The following PROX2 variants were observed in gnomAD, a reference collection of about 807,000 sequenced individuals.
PROX2 encodes the protein prospero homeobox protein 2.
A neutral mutation model predicts 48.9 loss-of-function variants in PROX2; 46 were observed. That is an observed-to-expected ratio of 0.94 (90% CI 0.74 to 1.20). PROX2 has a LOEUF of 1.20. PROX2 is among the 50% of genes most tolerant of loss of function. PROX2 has a pLI of 0.00. For missense variants in PROX2, 663 were observed against 719.4 expected (o/e 0.92, Z 0.90); for synonymous variants, 260 against 276.6 (o/e 0.94, Z 0.60).
chr14:74,872,393 C>G (rs543452265), intron 1 of PROX2, among the ~76,000 whole-genome samples: 1 of 152,296 alleles, frequency 6.6e-6, no homozygotes, highest in African/African-American at 2.4e-5. Flanking sequence ...GATGACCACC[C>G]AACGTGATTG....
chr14:74,854,878 T>A lies in PROX2; in HGVS notation c.*254A>T, dbSNP rs1191668097. 2 of 271,106 alleles carry A rather than the reference T, an allele frequency of 7.4e-6. No individual in the cohort carries two copies. The highest frequency in any genetic ancestry group is 1.4e-5 in the Non-Finnish European group (2 of 146,304). The allele number at this position is 271,106 out of a possible 1,614,324, so 16.8% of individuals were successfully genotyped here. On this transcript the variant is annotated 3_prime_UTR_variant, in exon 6 of 6. Transcript: ENST00000556489. The stretch of plus-strand genomic sequence containing the variant: ...GGAAACAATGGAGTTGAGCTTCAAG[T>A]CTTCTGATTGGAAACTTGTGTTCCT...
Position 74,854,481 on chromosome 14 carries a change from G to C in PROX2, c.*651C>G, listed in dbSNP as rs1217259254. 1 of 215,864 alleles carries C rather than the reference G, an allele frequency of 4.6e-6. No homozygotes were observed. The highest frequency in any genetic ancestry group is 9.7e-6 in the Non-Finnish European group (1 of 103,418). The allele number at this position is 215,864 out of a possible 1,614,324, so 13.4% of individuals were successfully genotyped here. On this transcript the variant is annotated 3_prime_UTR_variant, in exon 6 of 6. Coordinates refer to ENST00000556489, the MANE Select transcript of PROX2 (RefSeq NM_001243007.2). ...CCAGCATGCAGTTGGGCATCAGAAA[G>C]TCTTGGTTCCTCCAGGCTCCTGACT...
At chr14:74,857,127 AAAG>A (rs2091750354) in intron 4 of PROX2, 132 bp from the exon 5 acceptor site, 2 of 680,702 alleles carry the variant, frequency 2.9e-6, no homozygotes, top group South Asian at 2.7e-5. Context: ...TCCTTTAAAA[AAAG>A]AAGCGAAGCC....
chr14:74,861,357 G>A (rs1407478007), intron 3 of PROX2: 2 of 572,004 alleles, frequency 3.5e-6, no homozygotes, highest in Non-Finnish European at 6.0e-6. Flanking sequence ...ATGCTTGTTA[G>A]AAGTGGTCAT....
chr14:74,856,873 C>T lies in PROX2; in HGVS notation c.1536G>A (p.Met512Ile). ...GTTCTGAATTGCGGAGAACCACCAGCATTTTGGGATTTGTGACACCATCTG... is the reference window on the plus strand; with the variant it reads ...GTTCTGAATTGCGGAGAACCACCAGTATTTTGGGATTTGTGACACCATCTG... ...AISDGVTNPK[M>I]LVVLRNSELF... is the part of the protein sequence containing the mutation. The change falls in exon 5 of 6, where the codon ATG becomes ATA. Residue 512 changes from methionine (M) to isoleucine (I), a missense_variant. Transcript: ENST00000556489. 6.2e-7 allele frequency: 1 copy of T among 1,614,028 alleles called. No homozygotes were observed. The highest frequency in any genetic ancestry group is 1.1e-5 in the South Asian group (1 of 91,086).
chr14:74,858,842 T>TTGTGTG lies in PROX2; in HGVS notation c.1306-334_1306-329dup, dbSNP rs199587376. ...TAGATGTCAAATACAGGTTGGTGTA[T>TTGTGTG]TGTGTGTGTGTGTGTGTGTGTGTGT... On this transcript the variant is annotated intron_variant, in intron 3 of 5. Coordinates refer to ENST00000556489, the MANE Select transcript of PROX2 (RefSeq NM_001243007.2). 4.4e-3 allele frequency: 710 copies of TTGTGTG among 162,176 alleles called. 13 individuals are homozygous for TTGTGTG. The highest frequency in any genetic ancestry group is 8.8e-3 in the African/African-American group (284 of 32,162). 10.0% of individuals were successfully genotyped at this position (162,176 alleles called of 1,614,324 possible). A position where few individuals can be genotyped will look rare whatever the true frequency, so the allele number is the denominator to read the frequency against.
chr14:74,875,733 C>A (rs1414332950), intron 1 of PROX2, among the ~76,000 whole-genome samples, 162 bp downstream of exon 1: 2 of 152,156 alleles, frequency 1.3e-5, no homozygotes, highest in Non-Finnish European at 2.9e-5. Context: ...CAAAAATAAG[C>A]AAATACATAT....
rs1285682115 is a variant in PROX2 at position 74,863,867 on chromosome 14, TC to T, written c.-34del. ...ACTTGTTCAGGGCTTCAGGAATTCC[TC>T]CTCCTTATTTCCTCAGCTGGAAGTG... is the stretch of plus-strand genomic sequence containing the variant. On this transcript the variant is annotated 5_prime_UTR_variant, in exon 3 of 6. Transcript: ENST00000556489. 4.1e-6 allele frequency: 6 copies of T among 1,451,410 alleles called. No individual in the cohort carries two copies. Among genetic ancestry groups the T allele is most frequent in the Non-Finnish European group, 5.4e-6 (6 of 1,109,392 alleles). 89.9% of individuals were successfully genotyped at this position (1,451,410 alleles called of 1,614,324 possible).
intron 2 of PROX2, among the ~76,000 whole-genome samples, chr14:74,870,439 A>AACACACACACACACACACACACAC (rs766736707): frequency 3.3e-5 from 1 of 29,936 alleles, no homozygotes; most frequent in African/African-American, 2.4e-4. Context: ...AAAAAAAAAA[A>AACACACACACACACACACACACAC]ATACACACAC....
chr14:74,858,188 T>C (rs1373669697), intron 4 of PROX2: 2 of 472,074 alleles, frequency 4.2e-6, no homozygotes, highest in African/African-American at 3.9e-5. Context: ...TATCTACAGC[T>C]CAGTAGCTTA....
At chr14:74,861,132 T>C (rs2140166361) in intron 3 of PROX2, 1 of 1,068,572 alleles carries the variant, frequency 9.4e-7, no homozygotes, top group Non-Finnish European at 1.3e-6. Context: ...AGGCAGGTTC[T>C]GGCATGGTAA....
chr14:74,864,747 C>T (rs7151872), intron 2 of PROX2, among the ~76,000 whole-genome samples: 4,166 of 152,074 alleles, frequency 0.027, 133 homozygotes, highest in African/African-American at 0.073. Context: ...GAGGCTGAGG[C>T]AGGAAAATCA....
intron 2 of PROX2, among the ~76,000 whole-genome samples, chr14:74,866,955 T>A (rs1420398651): frequency 2.0e-5 from 3 of 152,144 alleles, no homozygotes; most frequent in Non-Finnish European, 4.4e-5. Flanking sequence ...AGAGATCTAG[T>A]GCACACAAGG....
rs777228205 is a variant in PROX2, at chr14:74,858,438, T to C, written c.1382A>G (p.Asn461Ser). ...MFFFTRYPSSNLLKVYFPDVQ... is the reference protein window; with the variant it reads ...MFFFTRYPSSSLLKVYFPDVQ... The stretch of plus-strand genomic sequence containing the variant: ...ATCAGGAAAATAAACCTTCAGGAGG[T>C]TGGAGCTGGGATATCGTGTGAAGAA... Residue 461 changes from asparagine (N) to serine (S), a missense_variant, in exon 4 of 6, where the codon AAC becomes AGC. Transcript: ENST00000556489. The C allele has an allele frequency of 1.3e-6, 2 of 1,582,814 alleles. No individual in the cohort carries two copies. The highest frequency in any genetic ancestry group is 2.3e-5 in the East Asian group (1 of 43,832).
At chr14:74,857,143 C>G in intron 4 of PROX2, 148 bp from the exon 5 acceptor site, 1 of 611,336 alleles carries the variant, frequency 1.6e-6, no homozygotes, top group Non-Finnish European at 2.9e-6. Flanking sequence ...GCGAAGCCAC[C>G]GCTATTTTCC....
rs184396841 is a variant in PROX2 at position 74,858,541 on chromosome 14, A to C, written c.1306-27T>G. The C allele has an allele frequency of 1.7e-4, 210 of 1,225,150 alleles. No homozygotes were observed. In the African/African-American group the frequency reaches 2.8e-3, roughly 16 times the overall value. The allele number at this position is 1,225,150 out of a possible 1,614,324, so 75.9% of individuals were successfully genotyped here. On this transcript the variant is annotated intron_variant, in intron 3 of 5. Coordinates refer to ENST00000556489, the MANE Select transcript of PROX2 (RefSeq NM_001243007.2). ...TATCTCAGTGTCAAGGAAAATGAAC[A>C]CTTTAAAATGCCAGTTTATCAATTA...
In PROX2 at chr14:74,876,061, C is replaced by T. The variant is rs573177806; in HGVS notation, c.-476G>A. Among the ~76,000 whole-genome samples the T allele has an allele frequency of 2.1e-4, 32 of 152,328 alleles. No individual in the cohort carries two copies. The highest frequency in any genetic ancestry group is 6.5e-4 in the African/African-American group (27 of 41,582). ...TTCCTCTCCAGGCAGGCCGGGTGCC[C>T]GTGGCTGGGTGAGGGGAGGCTCTGG... On this transcript the variant is annotated 5_prime_UTR_variant, in exon 1 of 6. Coordinates refer to ENST00000556489, the MANE Select transcript of PROX2 (RefSeq NM_001243007.2).
chr14:74,854,324 C>T lies in PROX2; in HGVS notation c.*808G>A, dbSNP rs778551242. Reference sequence around the variant, plus strand: ...GTCTTGAGTTTGCTGAAATGATCAGCAGAAATCTTGGGCGGTGAAGTGCTC... The same window carrying T: ...GTCTTGAGTTTGCTGAAATGATCAGTAGAAATCTTGGGCGGTGAAGTGCTC... On this transcript the variant is annotated 3_prime_UTR_variant, in exon 6 of 6. Transcript: ENST00000556489. The T allele has an allele frequency of 2.4e-6, 1 of 425,060 alleles. No homozygotes were observed. The highest frequency in any genetic ancestry group is 2.5e-5 in the Admixed American group (1 of 39,816). 26.3% of individuals were successfully genotyped at this position (425,060 alleles called of 1,614,324 possible). A position where few individuals can be genotyped will look rare whatever the true frequency, so the allele number is the denominator to read the frequency against.
chr14:74,864,607 C>T (rs1370846949), intron 2 of PROX2, among the ~76,000 whole-genome samples: 9 of 151,824 alleles, frequency 5.9e-5, no homozygotes, highest in Admixed American at 2.0e-4. Flanking sequence ...TTTGGGAGGC[C>T]GAGGCAGGCG....
Sources: allele counts gnomAD v4.1 joint callset (sites outside exome capture counted in the v4.1 genomes callset), GRCh38; gene constraint gnomAD v4.1.1; transcripts MANE v1.5; gene names NCBI Gene and HGNC (gene_info 2026-07-23, HGNC 2026-07-21).